RANBP17: variants seen among roughly 807,000 people sequenced by gnomAD.
The protein encoded by RANBP17 is ran-binding protein 17.
Under a neutral mutation model 141.2 loss-of-function variants are expected in RANBP17, and 158 were observed. The observed-to-expected ratio is 1.12, with a 90% CI of 0.98 to 1.28. The LOEUF (loss-of-function observed/expected upper bound fraction) is 1.28. RANBP17 is among the 50% of genes most tolerant of loss of function. RANBP17 has a pLI of 0.00. For missense variants in RANBP17, 1,438 were observed against 1,290.7 expected (o/e 1.11, Z -1.75); for synonymous variants, 430 against 450.0 (o/e 0.96, Z 0.56).
intron 18 of RANBP17, among the ~76,000 whole-genome samples, chr5:171,191,585 G>A (rs189437430): frequency 0.011 from 1,671 of 152,212 alleles, 31 homozygotes; most frequent in African/African-American, 0.038. Flanking sequence ...TACTCGGGAG[G>A]CTGAGGCAGG....
At chr5:171,210,002 T>G (rs1392925976) in intron 20 of RANBP17, among the ~76,000 whole-genome samples, 1 of 152,240 alleles carries the variant, frequency 6.6e-6, no homozygotes, top group African/African-American at 2.4e-5. Context: ...GAAGCAAACT[T>G]GATACTTTTC....
chr5:171,298,017 T>A (rs1395417057), intron 27 of RANBP17, among the ~76,000 whole-genome samples: 2 of 151,762 alleles, frequency 1.3e-5, no homozygotes, highest in Non-Finnish European at 2.9e-5. Context: ...CCACCACACC[T>A]GGCTAATTTT....
At chr5:171,083,935 G>T (rs1193643740) in intron 14 of RANBP17, among the ~76,000 whole-genome samples, 1 of 149,080 alleles carries the variant, frequency 6.7e-6, no homozygotes, top group Non-Finnish European at 1.5e-5. Flanking sequence ...TCATTCTTTT[G>T]TAAATTGCCC....
At chr5:171,138,674 T>A (rs1561693830) in intron 14 of RANBP17, among the ~76,000 whole-genome samples, 2 of 152,200 alleles carry the variant, frequency 1.3e-5, no homozygotes, top group Non-Finnish European at 2.9e-5. Context: ...ATTTTGATTT[T>A]TGACAAATAT....
At chr5:171,101,049 T>G (rs1266944871) in intron 14 of RANBP17, among the ~76,000 whole-genome samples, 1 of 152,192 alleles carries the variant, frequency 6.6e-6, no homozygotes, top group African/African-American at 2.4e-5. Flanking sequence ...ATAAGTGTGA[T>G]GTGATGCTGA....
At chr5:171,089,974 C>T (rs1003384626) in intron 14 of RANBP17, among the ~76,000 whole-genome samples, 2 of 152,092 alleles carry the variant, frequency 1.3e-5, no homozygotes, top group Admixed American at 6.5e-5. Context: ...CGGCCATCTT[C>T]GTGGTTATGT....
chr5:170,971,082 TGCTGACTTGAGTG>T (rs1309454800), intron 14 of RANBP17, among the ~76,000 whole-genome samples: 1 of 152,208 alleles, frequency 6.6e-6, no homozygotes, highest in Non-Finnish European at 1.5e-5. Context: ...TGGAAAATGA[TGCTGACTTGAGTG>T]AAATTATTCA....
intron 21 of RANBP17, among the ~76,000 whole-genome samples, chr5:171,217,423 A>G (rs988202326): frequency 9.2e-5 from 14 of 152,212 alleles, no homozygotes; most frequent in African/African-American, 3.1e-4. Context: ...TGGTGGCCTC[A>G]TAAAATGAGT....
At chr5:171,275,281 C>G (rs914111527) in intron 25 of RANBP17, among the ~76,000 whole-genome samples, 1 of 152,134 alleles carries the variant, frequency 6.6e-6, no homozygotes, top group Non-Finnish European at 1.5e-5. Context: ...AAATATGTTA[C>G]CATTTGCACT....
intron 5 of RANBP17, among the ~76,000 whole-genome samples, chr5:170,896,751 A>G (rs1186974765): frequency 3.3e-5 from 5 of 152,080 alleles, no homozygotes; most frequent in Non-Finnish European, 7.4e-5. Flanking sequence ...AATTGCTTGA[A>G]CCCGGGAGGC....
intron 14 of RANBP17, among the ~76,000 whole-genome samples, chr5:171,150,997 C>G (rs533207890): frequency 4.6e-5 from 7 of 152,284 alleles, no homozygotes; most frequent in African/African-American, 1.4e-4. Flanking sequence ...TAGTTGAGGT[C>G]TCTGTAAAAA....
chr5:170,966,967 C>G (rs1328796017), intron 13 of RANBP17, among the ~76,000 whole-genome samples: 1 of 152,084 alleles, frequency 6.6e-6, no homozygotes, highest in Non-Finnish European at 1.5e-5. Flanking sequence ...TAATAAAATA[C>G]CTAGGGATCC....
intron 14 of RANBP17, among the ~76,000 whole-genome samples, chr5:171,139,687 C>G (rs17073363): frequency 0.093 from 14,155 of 152,190 alleles, 1,091 homozygotes; most frequent in African/African-American, 0.21. Flanking sequence ...GCGACCGTCT[C>G]TTTTACTTGG....
rs570372699 is a variant in RANBP17 at position 171,143,097 on chromosome 5, C to G, written c.1711-27033C>G. On this transcript the variant is annotated intron_variant, in intron 14 of 27. Coordinates refer to ENST00000523189, the MANE Select transcript of RANBP17 (RefSeq NM_022897.5). ...TCTGGTAAGCTAGTGGGATAAACAG[C>G]TCCATGATCACTCACTGTTGTGTAG... is the stretch of plus-strand genomic sequence containing the variant. Among the ~76,000 whole-genome samples the G allele has an allele frequency of 1.9e-4, 29 of 152,304 alleles. No homozygotes were observed. The South Asian group carries it at 6.0e-3, about 32-fold the overall frequency.
intron 25 of RANBP17, among the ~76,000 whole-genome samples, chr5:171,291,661 A>G (rs1011595113): frequency 2.0e-5 from 3 of 152,202 alleles, no homozygotes; most frequent in African/African-American, 7.2e-5. Context: ...GTATTCTTCC[A>G]CATGCCCCTT....
chr5:171,251,761 T>A, intron 24 of RANBP17: 2 of 906,280 alleles, frequency 2.2e-6, no homozygotes, highest in Non-Finnish European at 3.6e-6. Flanking sequence ...GTTCCCCTCC[T>A]CCCGCGCCCG....
intron 14 of RANBP17, among the ~76,000 whole-genome samples, chr5:171,156,576 G>C (rs1243451677): frequency 6.6e-6 from 1 of 152,046 alleles, no homozygotes; most frequent in Non-Finnish European, 1.5e-5. Context: ...ATGGTTAATA[G>C]GACACAAATA....
chr5:170,935,869 T>C (rs1773827441), intron 12 of RANBP17, among the ~76,000 whole-genome samples: 1 of 152,222 alleles, frequency 6.6e-6, no homozygotes, highest in Non-Finnish European at 1.5e-5. Flanking sequence ...CTGCCTTTTG[T>C]TCAGCTATGC....
At chr5:171,184,640 A>G (rs1353563540) in intron 18 of RANBP17, among the ~76,000 whole-genome samples, 1 of 152,244 alleles carries the variant, frequency 6.6e-6, no homozygotes, top group Admixed American at 6.5e-5. Flanking sequence ...AATGGTAACT[A>G]TAGAGGTAAT....
Sources: allele counts gnomAD v4.1 joint callset (sites outside exome capture counted in the v4.1 genomes callset), GRCh38; gene constraint gnomAD v4.1.1; transcripts MANE v1.5; gene names NCBI Gene and HGNC (gene_info 2026-07-23, HGNC 2026-07-21).